CNTN3: variants seen among roughly 807,000 people sequenced by gnomAD.
The protein encoded by CNTN3 is contactin 3.
In CNTN3, 60 loss-of-function variants were observed where a neutral mutation model predicts 119.1. The ratio of observed to expected loss-of-function variants is 0.50; its 90% confidence interval spans 0.41 to 0.62. The LOEUF is 0.62. Among genes scored for constraint, CNTN3 ranks in the 20% least tolerant of loss-of-function variants. CNTN3 has a pLI of 0.00. For synonymous variants in CNTN3, 450 were observed against 438.7 expected (o/e 1.03, Z -0.32); for missense variants, 1,101 against 1,242.4 (o/e 0.89, Z 1.71).
rs1218071739 is a variant in CNTN3, at chr3:74,271,755, CAT to C, written c.2705-4379_2705-4378del. Among the ~76,000 whole-genome samples, 15 of 152,286 alleles carry C rather than the reference CAT, an allele frequency of 9.8e-5. No homozygotes were observed. The East Asian group carries it at 1.9e-3, about 20-fold the overall frequency. ...AACATTTGTAACTAAGCTGCTTAAA[CAT>C]GTGGTATTGTGCAACGATCATGTAA... On this transcript the variant is annotated intron_variant, in intron 20 of 22. Transcript: ENST00000263665.
At position 74,377,521 on chromosome 3, in the gene CNTN3, A is replaced by G. The variant is rs1704508144; in HGVS notation, c.455-6122T>C. Among the ~76,000 whole-genome samples the G allele has an allele frequency of 5.9e-5, 9 of 152,344 alleles. 1 individual carries two copies. The South Asian group carries it at 1.9e-3, about 32-fold the overall frequency. The stretch of plus-strand genomic sequence containing the variant: ...AAAATCATTTTATGTACTACGATAA[A>G]TAAAAAGCTGTAATAAAAATGATAA... On this transcript the variant is annotated intron_variant, in intron 5 of 22. Transcript: ENST00000263665.
At chr3:74,459,260 A>G (rs1212468999) in intron 4 of CNTN3, among the ~76,000 whole-genome samples, 1 of 151,404 alleles carries the variant, frequency 6.6e-6, no homozygotes, top group Non-Finnish European at 1.5e-5. Flanking sequence ...TCCTTCACTC[A>G]CTCTTCCTCA....
At chr3:74,462,041 C>A (rs1451286235) in intron 4 of CNTN3, among the ~76,000 whole-genome samples, 1 of 151,994 alleles carries the variant, frequency 6.6e-6, no homozygotes, top group African/African-American at 2.4e-5. Context: ...AATAGTTTAG[C>A]ACCATCTCTT....
At chr3:74,288,159 C>CTTTTTTTTTTTTTTTTTTTT (rs3084509) in intron 19 of CNTN3, among the ~76,000 whole-genome samples, 2 of 90,372 alleles carry the variant, frequency 2.2e-5, no homozygotes, top group African/African-American at 6.7e-5. Context: ...CTTTTCTTTT[C>CTTTTTTTTTTTTTTTTTTTT]TTTTTTTTTT....
intron 13 of CNTN3, among the ~76,000 whole-genome samples, chr3:74,328,952 T>A (rs1354416723): frequency 6.6e-6 from 1 of 152,194 alleles, no homozygotes; most frequent in Non-Finnish European, 1.5e-5. Context: ...ATACAAAATG[T>A]ATAATATAGT....
chr3:74,551,786 T>C (rs1247885492), intron 1 of CNTN3, among the ~76,000 whole-genome samples: 8 of 118,544 alleles, frequency 6.7e-5, no homozygotes, highest in African/African-American at 1.4e-4. Flanking sequence ...TTTTTTGAGA[T>C]GGAGTCCTGC....
At chr3:74,308,040 T>C (rs1376955206) in intron 13 of CNTN3, among the ~76,000 whole-genome samples, 1 of 152,132 alleles carries the variant, frequency 6.6e-6, no homozygotes, top group African/African-American at 2.4e-5. Flanking sequence ...TCCAGGTGCC[T>C]TGAAAACAGT....
intron 5 of CNTN3, among the ~76,000 whole-genome samples, chr3:74,388,214 AC>A (rs1480718734): frequency 6.6e-6 from 1 of 152,204 alleles, no homozygotes; most frequent in Non-Finnish European, 1.5e-5. Flanking sequence ...AAACCAGTTA[AC>A]AATGATAAAT....
chr3:74,382,204 G>A (rs115159257), intron 5 of CNTN3, among the ~76,000 whole-genome samples: 2,281 of 151,416 alleles, frequency 0.015, 49 homozygotes, highest in African/African-American at 0.048. Context: ...GCAAAATTCC[G>A]CCTAAAAAAA....
At chr3:74,574,157 A>G (rs2106655782) in intron 1 of CNTN3, among the ~76,000 whole-genome samples, 1 of 152,284 alleles carries the variant, frequency 6.6e-6, no homozygotes. Context: ...ACATGGATGA[A>G]CCTTGAAAAC....
chr3:74,435,780 A>G (rs1200925501), intron 4 of CNTN3, among the ~76,000 whole-genome samples: 2 of 152,202 alleles, frequency 1.3e-5, no homozygotes, highest in South Asian at 2.1e-4. Flanking sequence ...ACATGATGCA[A>G]TAACTGATAA....
At chr3:74,592,717 CAAA>C (rs1167358355) in intron 1 of CNTN3, among the ~76,000 whole-genome samples, 1 of 151,944 alleles carries the variant, frequency 6.6e-6, no homozygotes, top group Non-Finnish European at 1.5e-5. Flanking sequence ...CCACATCTAA[CAAA>C]GAAGTTAATC....
chr3:74,385,400 A>G (rs1237971918), intron 5 of CNTN3, among the ~76,000 whole-genome samples: 1 of 151,660 alleles, frequency 6.6e-6, no homozygotes, highest in African/African-American at 2.4e-5. Context: ...GCTAATGTAG[A>G]GAACAGAAAT....
At chr3:74,430,710 T>C (rs1701769208) in intron 4 of CNTN3, among the ~76,000 whole-genome samples, 1 of 152,160 alleles carries the variant, frequency 6.6e-6, no homozygotes, top group Non-Finnish European at 1.5e-5. Context: ...CTGTCCTCTT[T>C]CTTGACTGTG....
chr3:74,613,367 CCTG>C (rs2106722224), intron 1 of CNTN3, among the ~76,000 whole-genome samples: 1 of 151,808 alleles, frequency 6.6e-6, no homozygotes, highest in African/African-American at 2.4e-5. Flanking sequence ...TGACCTCCCT[CCTG>C]CACATCACGC....
At chr3:74,366,433 A>C (rs772412021) in intron 8 of CNTN3, among the ~76,000 whole-genome samples, 3 of 152,030 alleles carry the variant, frequency 2.0e-5, no homozygotes, top group Non-Finnish European at 4.4e-5. Flanking sequence ...AAAGCATCGT[A>C]CCACTTACAA....
At chr3:74,570,242 C>T (rs982908758) in intron 1 of CNTN3, among the ~76,000 whole-genome samples, 4 of 151,938 alleles carry the variant, frequency 2.6e-5, no homozygotes, top group African/African-American at 7.3e-5. Context: ...TCCTGGGGGC[C>T]ATCTTAGAAT....
intron 4 of CNTN3, among the ~76,000 whole-genome samples, chr3:74,449,999 A>G (rs1327735983): frequency 1.3e-5 from 2 of 152,152 alleles, no homozygotes; most frequent in Non-Finnish European, 2.9e-5. Context: ...TAGTTACATA[A>G]TCATTTAATA....
At chr3:74,266,790 G>A in intron 21 of CNTN3, 141 bp from the exon 22 acceptor site, 1 of 719,834 alleles carries the variant, frequency 1.4e-6, no homozygotes, top group Non-Finnish European at 2.3e-6. Flanking sequence ...CTAATTGTAA[G>A]TCTTAGATTA....
Sources: allele counts gnomAD v4.1 joint callset (sites outside exome capture counted in the v4.1 genomes callset), GRCh38; gene constraint gnomAD v4.1.1; transcripts MANE v1.5; gene names NCBI Gene and HGNC (gene_info 2026-07-23, HGNC 2026-07-21).